The following RRP12 variants were observed in gnomAD, a reference collection of about 807,000 sequenced individuals.
The protein encoded by RRP12 is ribosomal RNA processing 12 homolog.
Under a neutral mutation model 157.3 loss-of-function variants are expected in RRP12, and 78 were observed. The observed-to-expected ratio is 0.50, with a 90% confidence interval of 0.41 to 0.60. The LOEUF (loss-of-function observed/expected upper bound fraction) is 0.60. Ranked by LOEUF, RRP12 falls within the 20% of genes least tolerant of loss-of-function variation. The pLI, the probability that RRP12 is intolerant of heterozygous loss-of-function variation, is 0.00. For missense variants in RRP12, 1,521 were observed against 1,679.9 expected (o/e 0.91, Z 1.65); for synonymous variants, 726 against 670.9 (o/e 1.08, Z -1.27).
intron 13 of RRP12, 96 bp downstream of exon 13, chr10:97,380,703 A>C: frequency 1.2e-6 from 1 of 861,066 alleles, no homozygotes; most frequent in East Asian, 2.5e-5. Context: ...GGTGCGGAGC[A>C]GGGTGCAGAG....
chr10:97,369,971 G>T (rs1273644578), intron 24 of RRP12, among the ~76,000 whole-genome samples, 196 bp downstream of exon 24: 3 of 152,210 alleles, frequency 2.0e-5, no homozygotes, highest in African/African-American at 7.2e-5. Flanking sequence ...ACCTGAGGAA[G>T]GTGCCTTGGC....
intron 2 of RRP12, 23 bp from the exon 3 acceptor site, chr10:97,396,324 T>A (rs375288962): frequency 4.4e-6 from 7 of 1,599,968 alleles, no homozygotes; most frequent in Non-Finnish European, 6.0e-6. Flanking sequence ...GAGAAAGCAC[T>A]GTGACTATTT....
chr10:97,368,030 CT>C (rs34307529), intron 25 of RRP12, among the ~76,000 whole-genome samples: 115 of 119,188 alleles, frequency 9.6e-4, no homozygotes, highest in Admixed American at 9.0e-4. Flanking sequence ...CTGTGCCTGG[CT>C]TTTTTTTTTT....
At chr10:97,378,492 T>C (rs1468966136) in intron 15 of RRP12, among the ~76,000 whole-genome samples, 1 of 152,220 alleles carries the variant, frequency 6.6e-6, no homozygotes, top group Non-Finnish European at 1.5e-5. Flanking sequence ...TATCATCTTA[T>C]GAGACCACCA....
Position 97,373,594 on chromosome 10 carries a change from G to A in RRP12, c.2007C>T (p.Ile669=). The change falls in exon 17 of 34, where the codon ATC becomes ATT. Residue 669 remains isoleucine, a synonymous_variant. Coordinates refer to ENST00000370992, the MANE Select transcript of RRP12 (RefSeq NM_015179.4). ...ACGTACCTGCCTGGCAGCCCTTGGTGATGAGGGTGCGCAGGGCCTGGCACA... is the reference window on the plus strand; with the variant it reads ...ACGTACCTGCCTGGCAGCCCTTGGTAATGAGGGTGCGCAGGGCCTGGCACA... ...VTVCQALRTL[I]TKGCQAEADR... 1 of 1,605,508 alleles carries A rather than the reference G, an allele frequency of 6.2e-7. No individual in the cohort carries two copies. Among genetic ancestry groups the A allele is most frequent in the East Asian group, 2.2e-5 (1 of 44,670 alleles).
At chr10:97,366,966 T>C (rs892245702) in intron 26 of RRP12, 57 bp from the exon 27 acceptor site, 1 of 1,609,416 alleles carries the variant, frequency 6.2e-7, no homozygotes, top group Non-Finnish European at 8.5e-7. Flanking sequence ...ACGACCCAGA[T>C]GTAGTGTCCC....
chr10:97,370,941 G>A lies in RRP12; in HGVS notation c.2484C>T (p.Thr828=). ...KKTLLDSLRS[T]SSPAKRPRLK... The stretch of plus-strand genomic sequence containing the variant: ...CCCTCACCCTCTTGGCGGGTGAGGA[G>A]GTGCTCCGCAGCGAGTCCAGCAGTG... The change falls in exon 21 of 34, where the codon ACC becomes ACT. Residue 828 remains threonine (T), a synonymous_variant. Transcript: ENST00000370992. 6.2e-7 allele frequency: 1 copy of A among 1,614,038 alleles called. No individual in the cohort carries two copies. Among genetic ancestry groups the A allele is most frequent in the East Asian group, 2.2e-5 (1 of 44,866 alleles).
At position 97,372,153 on chromosome 10, in the gene RRP12, C is replaced by G. The variant is rs1357400403; in HGVS notation, c.2263G>C (p.Asp755His). The G allele has an allele frequency of 6.2e-7, 1 of 1,613,340 alleles. No homozygotes were observed. The highest frequency in any genetic ancestry group is 1.3e-5 in the African/African-American group (1 of 75,002). The change falls in exon 20 of 34, where the codon GAC (aspartate) becomes CAC (histidine). Residue 755 changes from aspartate to histidine, a missense_variant. Transcript: ENST00000370992. ...SSDFTRLSVL[D>H]LVVALAPCAD... ...CACGGAGCCAAGGCCACGACCAGGT[C>G]CAGGACAGACAATCTGCTCGGGGCA...
At chr10:97,374,950 G>A (rs190866747) in intron 15 of RRP12, among the ~76,000 whole-genome samples, 1 of 152,134 alleles carries the variant, frequency 6.6e-6, no homozygotes, top group East Asian at 1.9e-4. Context: ...ATTTTAAGAT[G>A]AGGAGCAGAC....
intron 23 of RRP12, 27 bp from the exon 24 acceptor site, chr10:97,370,301 A>G (rs761789393): frequency 2.0e-6 from 3 of 1,529,500 alleles, no homozygotes; most frequent in South Asian, 1.2e-5. Flanking sequence ...ACGTGGGTCA[A>G]GCAGGAAGGA....
intron 23 of RRP12, 86 bp from the exon 24 acceptor site, chr10:97,370,360 G>T: frequency 7.4e-7 from 1 of 1,354,912 alleles, no homozygotes; most frequent in Non-Finnish European, 1.0e-6. Context: ...CCTGCCCAGG[G>T]CCAGGGCACA....
At chr10:97,396,139 GC>G in intron 3 of RRP12, 78 bp downstream of exon 3, 2 of 1,005,598 alleles carry the variant, frequency 2.0e-6, no homozygotes, top group Admixed American at 1.7e-5. Flanking sequence ...ACCCCCACAT[GC>G]CAGGGGCACT....
chr10:97,370,901 CG>C (rs1188960182), intron 21 of RRP12, 21 bp downstream of exon 21: 1 of 1,613,122 alleles, frequency 6.2e-7, no homozygotes, highest in Admixed American at 1.7e-5. Flanking sequence ...CTCGGCAGAG[CG>C]GGTGGCCCTA....
chr10:97,393,654 C>A (rs1162526212), intron 4 of RRP12, 30 bp downstream of exon 4: 3 of 1,589,834 alleles, frequency 1.9e-6, no homozygotes, highest in Non-Finnish European at 2.6e-6. Flanking sequence ...CACAAAAAGC[C>A]TTGGGGTTCA....
At chr10:97,376,630 CTT>C (rs1423559486) in intron 15 of RRP12, among the ~76,000 whole-genome samples, 2 of 152,148 alleles carry the variant, frequency 1.3e-5, no homozygotes, top group South Asian at 2.1e-4. Context: ...GCCTAGTACT[CTT>C]TGTTGTGTGA....
chr10:97,383,871 C>T (rs968550924), intron 10 of RRP12, among the ~76,000 whole-genome samples: 7 of 152,320 alleles, frequency 4.6e-5, no homozygotes, highest in Middle Eastern at 3.4e-3. Context: ...ACCTGGGACG[C>T]AGGGCTCGCA....
At chr10:97,357,686 T>C (rs1039436222) in intron 33 of RRP12, among the ~76,000 whole-genome samples, 18 of 152,088 alleles carry the variant, frequency 1.2e-4, no homozygotes, top group Admixed American at 4.6e-4. Flanking sequence ...TGGCTGGGCG[T>C]GGTGGCTCAT....
Position 97,385,972 on chromosome 10 carries a change from G to A in RRP12, c.1039C>T (p.Gln347Ter). 1.9e-6 allele frequency: 3 copies of A among 1,600,654 alleles called. No homozygotes were observed. The highest frequency in any genetic ancestry group is 2.6e-6 in the Non-Finnish European group (3 of 1,173,704). ...SHVLVTACAMQAFHSLFHARP... is the reference protein window; with the variant it reads ...SHVLVTACAM The stretch of plus-strand genomic sequence containing the variant: ...GCGTGGAAGAGGCTGTGAAAGGCCT[G>A]CATGGCACAGGCTGTCACCAGCTGG... The change falls in exon 9 of 34, where the codon CAG (glutamine) becomes TAG (stop). Residue 347 changes from glutamine to a stop codon, truncating the protein, a stop_gained. Coordinates refer to ENST00000370992, the MANE Select transcript of RRP12 (RefSeq NM_015179.4). LOFTEE classifies it high-confidence loss of function.
rs554163205 is a variant in RRP12, at chr10:97,356,790, C to T, written c.*304G>A. ...ATGCCACGTGGCTACAGGCAGCTGG[C>T]GGAAATGGAGATCATCTGTTCTGGT... On this transcript the variant is annotated 3_prime_UTR_variant, in exon 34 of 34. Transcript: ENST00000370992. 1.4e-5 allele frequency: 4 copies of T among 294,988 alleles called. No homozygotes were observed. The highest frequency in any genetic ancestry group is 4.3e-5 in the African/African-American group (2 of 45,980). The allele number at this position is 294,988 out of a possible 1,614,324, so 18.3% of individuals were successfully genotyped here.
Sources: gnomAD v4.1 joint callset for allele counts (sites outside exome capture counted in the v4.1 genomes callset) on GRCh38, gnomAD v4.1.1 for gene constraint, MANE v1.5 for transcripts, NCBI Gene and HGNC (gene_info 2026-07-23, HGNC 2026-07-21) for gene names.